The following KCNK13 variants were observed in gnomAD, a reference collection of about 807,000 sequenced individuals.
The protein encoded by KCNK13 is potassium two pore domain channel subfamily K member 13.
In KCNK13, 12 loss-of-function variants were observed where a neutral mutation model predicts 23.4. The ratio of observed to expected loss-of-function variants is 0.51; its 90% CI spans 0.33 to 0.83. KCNK13 has a LOEUF of 0.83. Among genes scored for constraint, KCNK13 ranks in the 40% least tolerant of loss-of-function variants. The pLI, the probability that KCNK13 is intolerant of heterozygous loss-of-function variation, is 0.02. For synonymous variants in KCNK13, 231 were observed against 229.5 expected, an observed-to-expected ratio of 1.01 and a Z score of -0.06; for missense variants, 463 against 556.3, an observed-to-expected ratio of 0.83 and a Z score of 1.69.
At chr14:90,156,533 A>C (rs1033403932) in intron 1 of KCNK13, among the ~76,000 whole-genome samples, 4 of 152,326 alleles carry the variant, frequency 2.6e-5, no homozygotes, top group Admixed American at 6.5e-5. Context: ...TTCTCTGTGA[A>C]TACTAAAGCC....
At chr14:90,108,268 C>T (rs1889570484) in intron 1 of KCNK13, among the ~76,000 whole-genome samples, 1 of 152,126 alleles carries the variant, frequency 6.6e-6, no homozygotes, top group African/African-American at 2.4e-5. Flanking sequence ...ATTGTTCTTT[C>T]TCTTTGGCAC....
chr14:90,174,014 T>G (rs1890394092), intron 1 of KCNK13, among the ~76,000 whole-genome samples: 1 of 152,000 alleles, frequency 6.6e-6, no homozygotes, highest in African/African-American at 2.4e-5. Flanking sequence ...CTTATAAAAC[T>G]GTCAGATCTC....
intron 1 of KCNK13, among the ~76,000 whole-genome samples, chr14:90,127,714 A>G (rs1049798892): frequency 2.0e-5 from 3 of 150,878 alleles, no homozygotes; most frequent in Non-Finnish European, 3.0e-5. Flanking sequence ...AACTACTCAT[A>G]AGGCTGAGGC....
intron 1 of KCNK13, among the ~76,000 whole-genome samples, chr14:90,087,320 T>C (rs961681363): frequency 5.9e-5 from 9 of 151,878 alleles, no homozygotes; most frequent in Admixed American, 2.6e-4. Flanking sequence ...GCACATTTAA[T>C]GTGTCGCACA....
rs140048398 is a variant in KCNK13, at chr14:90,173,915, C to A, written c.335-10196C>A. Among the ~76,000 whole-genome samples the A allele has an allele frequency of 9.9e-3, 1,508 of 152,174 alleles. 20 individuals are homozygous for A. The highest frequency in any genetic ancestry group is 0.035 in the African/African-American group (1,445 of 41,518). On this transcript the variant is annotated intron_variant, in intron 1 of 1. Coordinates refer to ENST00000282146, the MANE Select transcript of KCNK13 (RefSeq NM_022054.4). Reference sequence around the variant, plus strand: ...TCACAGTTCTGCATGGCTGAGAAGGCCTCAGGAAACTTAAAATCATGGCAG... The same window carrying A: ...TCACAGTTCTGCATGGCTGAGAAGGACTCAGGAAACTTAAAATCATGGCAG...
chr14:90,101,007 T>A (rs1889469920), intron 1 of KCNK13, among the ~76,000 whole-genome samples: 3 of 152,122 alleles, frequency 2.0e-5, no homozygotes. Flanking sequence ...ACGAGATATT[T>A]GAGTCAAGCA....
intron 1 of KCNK13, among the ~76,000 whole-genome samples, chr14:90,101,576 C>A (rs1319270499): frequency 1.3e-5 from 2 of 151,690 alleles, no homozygotes; most frequent in Non-Finnish European, 2.9e-5. Flanking sequence ...ATTGCCTGAG[C>A]TCAGGAGTTT....
chr14:90,126,920 G>A (rs1028282746), intron 1 of KCNK13, among the ~76,000 whole-genome samples: 2 of 152,092 alleles, frequency 1.3e-5, no homozygotes, highest in Non-Finnish European at 2.9e-5. Flanking sequence ...AGTACATCAA[G>A]ATTGTCAAGG....
intron 1 of KCNK13, among the ~76,000 whole-genome samples, chr14:90,152,937 G>A (rs1404244665): frequency 1.3e-5 from 2 of 152,146 alleles, no homozygotes; most frequent in African/African-American, 4.8e-5. Context: ...TGTAGTAAGG[G>A]CCTGGTCTGG....
intron 1 of KCNK13, among the ~76,000 whole-genome samples, chr14:90,159,683 T>C (rs1890231239): frequency 6.6e-6 from 1 of 152,210 alleles, no homozygotes; most frequent in African/African-American, 2.4e-5. Flanking sequence ...GTGTTTTATC[T>C]ATATTAGGTT....
chr14:90,180,641 C>CA (rs1890474079), intron 1 of KCNK13, among the ~76,000 whole-genome samples: 2 of 151,906 alleles, frequency 1.3e-5, no homozygotes, highest in African/African-American at 2.4e-5. Context: ...ATGTTAAAAC[C>CA]AAAAAAATAA....
At chr14:90,139,013 T>C (rs1405439295) in intron 1 of KCNK13, among the ~76,000 whole-genome samples, 1 of 152,058 alleles carries the variant, frequency 6.6e-6, no homozygotes. Flanking sequence ...CACAAAGTGT[T>C]TTGTTCCGTT....
rs149308042 is a variant in KCNK13, at chr14:90,088,531, G to T, written c.334+25992G>T. The stretch of plus-strand genomic sequence containing the variant: ...ACCTCACTGCTGTGGACCTCAGAGT[G>T]CTTGAGAAAACCTGAATTCACTGTC... On this transcript the variant is annotated intron_variant, in intron 1 of 1. Transcript: ENST00000282146. Among the ~76,000 whole-genome samples, 478 of 152,266 alleles carry T rather than the reference G, an allele frequency of 3.1e-3. 3 individuals are homozygous for T. Among genetic ancestry groups the T allele is most frequent in the African/African-American group, 0.011 (457 of 41,558 alleles).
At chr14:90,142,197 T>C (rs1044546661) in intron 1 of KCNK13, among the ~76,000 whole-genome samples, 1 of 152,178 alleles carries the variant, frequency 6.6e-6, no homozygotes, top group Non-Finnish European at 1.5e-5. Context: ...GGAATTGGAA[T>C]TGCACAATAT....
intron 1 of KCNK13, among the ~76,000 whole-genome samples, chr14:90,088,852 A>G (rs1889311849): frequency 6.6e-6 from 1 of 152,062 alleles, no homozygotes; most frequent in South Asian, 2.1e-4. Context: ...GAGTCTCATG[A>G]GATCTGATGG....
intron 1 of KCNK13, among the ~76,000 whole-genome samples, chr14:90,162,006 C>T (rs1890257342): frequency 6.6e-6 from 1 of 152,076 alleles, no homozygotes; most frequent in Admixed American, 6.6e-5. Flanking sequence ...TAACAAGACC[C>T]CGTCTCTACA....
intron 1 of KCNK13, among the ~76,000 whole-genome samples, chr14:90,127,817 TAAAAA>T (rs35453411): frequency 2.3e-5 from 2 of 85,156 alleles, no homozygotes; most frequent in Non-Finnish European, 4.3e-5. Flanking sequence ...AGATGCTATC[TAAAAA>T]AAAAAAAAAA....
At chr14:90,089,425 C>A (rs1488654302) in intron 1 of KCNK13, among the ~76,000 whole-genome samples, 1 of 152,182 alleles carries the variant, frequency 6.6e-6, no homozygotes, top group Non-Finnish European at 1.5e-5. Flanking sequence ...CAAAAGAAAT[C>A]TCTAAGCAGC....
chr14:90,146,718 T>C (rs1298538294), intron 1 of KCNK13, among the ~76,000 whole-genome samples: 1 of 152,144 alleles, frequency 6.6e-6, no homozygotes, highest in Non-Finnish European at 1.5e-5. Context: ...ATTTTTTTTT[T>C]CCAATCTGAC....
Sources: gnomAD v4.1 joint callset for allele counts (sites outside exome capture counted in the v4.1 genomes callset) on GRCh38, gnomAD v4.1.1 for gene constraint, MANE v1.5 for transcripts, NCBI Gene and HGNC (gene_info 2026-07-23, HGNC 2026-07-21) for gene names.